KIF1C: variants seen among roughly 807,000 people sequenced by gnomAD.
The protein encoded by KIF1C is kinesin-like protein KIF1C.
A neutral mutation model predicts 126.5 loss-of-function variants in KIF1C; 61 were observed. The ratio of observed to expected loss-of-function variants is 0.48; its 90% CI spans 0.39 to 0.60. KIF1C has a LOEUF of 0.60. Among genes scored for constraint, KIF1C ranks in the 20% least tolerant of loss-of-function variants. KIF1C has a pLI of 0.00. For missense variants in KIF1C, 1,315 were observed against 1,489.2 expected (o/e 0.88, Z 1.93); for synonymous variants, 640 against 580.6 (o/e 1.10, Z -1.47).
At chr17:5,021,753 A>G (rs1025113698) in intron 21 of KIF1C, among the ~76,000 whole-genome samples, 28 of 151,776 alleles carry the variant, frequency 1.8e-4, no homozygotes, top group African/African-American at 6.5e-4. Flanking sequence ...ACATGCTGGG[A>G]TTGCAGGCAC....
Position 5,024,529 on chromosome 17 carries a change from G to C in KIF1C, c.*378G>C, listed in dbSNP as rs1222233062. 1 of 201,260 alleles carries C rather than the reference G, an allele frequency of 5.0e-6. No individual in the cohort carries two copies. Among genetic ancestry groups the C allele is most frequent in the Non-Finnish European group, 1.0e-5 (1 of 100,028 alleles). 12.5% of individuals were successfully genotyped at this position (201,260 alleles called of 1,614,324 possible). Reference sequence around the variant, plus strand: ...CTGAGAGTGAGGCAAGTTCTCCCCAGCCCCTGTCCGTCTGTCTGTCTGTCT... The same window carrying C: ...CTGAGAGTGAGGCAAGTTCTCCCCACCCCCTGTCCGTCTGTCTGTCTGTCT... On this transcript the variant is annotated 3_prime_UTR_variant, in exon 23 of 23. Transcript: ENST00000320785.
At chr17:5,017,919 CA>C (rs1318309461) in intron 18 of KIF1C, among the ~76,000 whole-genome samples, 1 of 152,090 alleles carries the variant, frequency 6.6e-6, no homozygotes, top group Non-Finnish European at 1.5e-5. Context: ...CAAGCTGGAG[CA>C]GTCTTCTCAC....
In KIF1C at chr17:5,023,706, G is replaced by A; in HGVS notation, c.2867G>A (p.Gly956Glu). The A allele has an allele frequency of 6.4e-7, 1 of 1,570,090 alleles. No homozygotes were observed. The highest frequency in any genetic ancestry group is 8.6e-7 in the Non-Finnish European group (1 of 1,158,804). ...CGGCTGCAGGGACTGCAGGGCTCTG[G>A]GGGCCGGGGCGGGGGGCTGCGCAGG... Reference protein sequence around the residue: ...QLRLQGLQGSGGRGGGLRRPP... With the variant: ...QLRLQGLQGSEGRGGGLRRPP... Residue 956 changes from glycine (G) to glutamate (E), a missense_variant, in exon 23 of 23, where the codon GGG (glycine) becomes GAG (glutamate). Coordinates refer to ENST00000320785, the MANE Select transcript of KIF1C (RefSeq NM_006612.6). The surrounding 1 kb of genome is among the most constrained non-coding windows in gnomAD (Gnocchi z 4.2).
Position 5,006,922 on chromosome 17 carries a change from G to A in KIF1C, c.1173G>A (p.Lys391=). Residue 391 remains lysine, a synonymous_variant, in exon 14 of 23, where the codon AAG becomes AAA. Coordinates refer to ENST00000320785, the MANE Select transcript of KIF1C (RefSeq NM_006612.6). Reference sequence around the variant, plus strand: ...CCTCTTTCTCCCTCCCAGGCCTGAAGACGGAAGAAGGGAGTGTCAGAGGCG... The same window carrying A: ...CCTCTTTCTCCCTCCCAGGCCTGAAAACGGAAGAAGGGAGTGTCAGAGGCG... ...GLSASALEGL[K]TEEGSVRGAL... The A allele has an allele frequency of 6.2e-7, 1 of 1,611,040 alleles. No individual in the cohort carries two copies.
rs1443699859 is a variant in KIF1C at position 5,024,079 on chromosome 17, A to G, written c.3240A>G (p.Pro1080=). 11 of 1,583,410 alleles carry G rather than the reference A, an allele frequency of 6.9e-6. No individual in the cohort carries two copies. In the East Asian group the frequency reaches 2.3e-4, roughly 33 times the overall value. The part of the protein sequence containing the change: ...AQRPPGPRYP[P]YTTPPRMRRQ... ...GGCCCCCAGGGCCCCGCTACCCCCC[A>G]TACACTACTCCCCCACGAATGAGAC... The change falls in exon 23 of 23, where the codon CCA becomes CCG. Residue 1080 remains proline (P), a synonymous_variant. Transcript: ENST00000320785.
intron 18 of KIF1C, among the ~76,000 whole-genome samples, chr17:5,016,318 G>A (rs148456308): frequency 0.034 from 5,163 of 151,560 alleles, 111 homozygotes; most frequent in Non-Finnish European, 0.038. Context: ...TGTATTTTTA[G>A]TAGAAACAGG....
chr17:5,006,660 C>T (rs369246524), intron 13 of KIF1C, among the ~76,000 whole-genome samples: 2 of 152,258 alleles, frequency 1.3e-5, no homozygotes, highest in South Asian at 2.1e-4. Context: ...TCTGATGGTG[C>T]AAATCATCTA....
At position 5,002,705 on chromosome 17, in the gene KIF1C, C is replaced by T. The variant is rs764035387; in HGVS notation, c.609-26C>T. ...GGGTTGGGAAGGTGAGAGGCAGGAT[C>T]CAGTGACTGCTTTCTTTACCCTAAG... On this transcript the variant is annotated intron_variant, in intron 7 of 22. Transcript: ENST00000320785. 5 of 1,612,928 alleles carry T rather than the reference C, an allele frequency of 3.1e-6. No homozygotes were observed. The South Asian group carries it at 4.4e-5, about 14-fold the overall frequency.
In KIF1C at chr17:5,023,903, A is replaced by T; in HGVS notation, c.3064A>T (p.Ser1022Cys). ...HPATPARRPP[S>C]PRRSHHPRRN... ...AGCCACCCCTGCCCGCCGGCCTCCG[A>T]GTCCCCGAAGGTCCCACCATCCCCG... The change falls in exon 23 of 23, where the codon AGT becomes TGT. Residue 1022 changes from serine to cysteine, a missense_variant. By Grantham distance (112) the Ser-to-Cys change is moderately radical. Transcript: ENST00000320785. This position sits in a 1 kb window ranked among gnomAD's most constrained non-coding sequence, Gnocchi z 4.2. The T allele has an allele frequency of 6.4e-7, 1 of 1,553,130 alleles. No homozygotes were observed. The highest frequency in any genetic ancestry group is 1.2e-5 in the South Asian group (1 of 82,180).
Position 5,002,458 on chromosome 17 carries a change from A to G in KIF1C, c.430-6A>G, listed in dbSNP as rs749747498. ...TTGTTACTTCTCATTTGCTTCTCCC[A>G]CTCAGGTGAGCTATATGGAGATCTA... On this transcript the variant is annotated splice_polypyrimidine_tract_variant and splice_region_variant and intron_variant, in intron 6 of 22. Coordinates refer to ENST00000320785, the MANE Select transcript of KIF1C (RefSeq NM_006612.6). The G allele has an allele frequency of 4.5e-6, 7 of 1,567,114 alleles. No individual in the cohort carries two copies. The highest frequency in any genetic ancestry group is 1.7e-4 in the Middle Eastern group (1 of 5,844).
chr17:5,005,043 C>A, intron 13 of KIF1C, 43 bp downstream of exon 13: 1 of 1,612,016 alleles, frequency 6.2e-7, no homozygotes, highest in South Asian at 1.1e-5. Flanking sequence ...GCCCCTTGGC[C>A]CACCCCATCC....
chr17:5,018,574 A>G (rs1432912145), intron 18 of KIF1C, among the ~76,000 whole-genome samples: 1 of 151,906 alleles, frequency 6.6e-6, no homozygotes, highest in Non-Finnish European at 1.5e-5. Flanking sequence ...CTGTAATCCC[A>G]GCTACTCAGG....
intron 6 of KIF1C, 132 bp downstream of exon 6, chr17:5,002,256 C>T (rs797007309): frequency 2.0e-6 from 2 of 991,870 alleles, no homozygotes; most frequent in African/African-American, 3.2e-5. Context: ...GTGATTCTGT[C>T]CTTCAGCTTC....
intron 16 of KIF1C, 71 bp from the exon 17 acceptor site, chr17:5,013,582 A>C: frequency 1.8e-6 from 2 of 1,131,182 alleles, no homozygotes; most frequent in Non-Finnish European, 2.7e-6. Context: ...GTCTCCTCCC[A>C]CCGCTCCCTT....
intron 16 of KIF1C, among the ~76,000 whole-genome samples, 172 bp from the exon 17 acceptor site, chr17:5,013,481 G>A (rs1464402888): frequency 6.6e-6 from 1 of 152,114 alleles, no homozygotes; most frequent in Non-Finnish European, 1.5e-5. Context: ...AACGTCATCG[G>A]GGTGGAGGGA....
At chr17:5,010,021 G>A (rs1027605220) in intron 16 of KIF1C, among the ~76,000 whole-genome samples, 12 of 152,042 alleles carry the variant, frequency 7.9e-5, no homozygotes, top group African/African-American at 2.4e-4. Context: ...CTGCCTCCCA[G>A]GTTCAAGTGA....
Position 5,003,661 on chromosome 17 carries a change from C to A in KIF1C, c.770C>A (p.Ser257Tyr). The stretch of plus-strand genomic sequence containing the variant: ...CTTGCTGGGAGTGAGCGAGCCGACT[C>A]CTCAGGGGCCCGGGGCATGCGCCTG... ...VDLAGSERAD[S>Y]SGARGMRLKE... is the part of the protein sequence containing the mutation. The change falls in exon 9 of 23, where the codon TCC (serine) becomes TAC (tyrosine). Residue 257 changes from serine (S) to tyrosine (Y), a missense_variant. This residue lies in a region of KIF1C where 874 missense variants were observed against 1,053.2 expected (regional missense o/e 0.83). Transcript: ENST00000320785. 1 of 1,613,804 alleles carries A rather than the reference C, an allele frequency of 6.2e-7. No homozygotes were observed. The highest frequency in any genetic ancestry group is 1.7e-4 in the Middle Eastern group (1 of 6,060).
At chr17:5,013,317 T>C (rs1415631854) in intron 16 of KIF1C, among the ~76,000 whole-genome samples, 1 of 151,962 alleles carries the variant, frequency 6.6e-6, no homozygotes, top group Non-Finnish European at 1.5e-5. Context: ...GGGAGCCTGG[T>C]GGGTCGAGGT....
At chr17:5,013,245 G>A (rs1024071503) in intron 16 of KIF1C, among the ~76,000 whole-genome samples, 3 of 152,134 alleles carry the variant, frequency 2.0e-5, no homozygotes, top group African/African-American at 7.2e-5. Context: ...AAGAAATGAT[G>A]GGACCTGAGA....
Sources: allele counts gnomAD v4.1 joint callset (sites outside exome capture counted in the v4.1 genomes callset), GRCh38; gene constraint gnomAD v4.1.1; regional missense constraint gnomAD v4.1.1; non-coding constraint Gnocchi (gnomAD v3.1); transcripts MANE v1.5; gene names NCBI Gene and HGNC (gene_info 2026-07-23, HGNC 2026-07-21).